The following EBI3 variants were observed in gnomAD, a reference collection of about 807,000 sequenced individuals.
EBI3 encodes Epstein-Barr virus induced 3, also known as interleukin-27 subunit beta.
In EBI3, 19 loss-of-function variants were observed where a neutral mutation model predicts 21.3. That is an observed-to-expected ratio of 0.89 (90% CI 0.62 to 1.31). EBI3 has a LOEUF of 1.31. Among genes scored for constraint, EBI3 ranks in the 50% most tolerant of loss-of-function variants. The pLI, the probability that EBI3 is intolerant of heterozygous loss-of-function variation, is 0.00. For missense variants in EBI3, 331 were observed against 314.0 expected (o/e 1.05, Z -0.41); for synonymous variants, 154 against 131.2 (o/e 1.17, Z -1.19).
At chr19:4,230,875 T>G (rs2144674164) in intron 1 of EBI3, among the ~76,000 whole-genome samples, 1 of 151,904 alleles carries the variant, frequency 6.6e-6, no homozygotes, top group South Asian at 2.1e-4. Context: ...AGACTCCCTC[T>G]TTAAAAAAAA....
intron 1 of EBI3, among the ~76,000 whole-genome samples, chr19:4,230,380 T>C (rs1253653780): frequency 1.3e-5 from 2 of 151,142 alleles, no homozygotes; most frequent in Non-Finnish European, 2.9e-5. Context: ...CTGGGCAACA[T>C]AGTGAAACCG....
chr19:4,236,935 G>C lies in EBI3; in HGVS notation c.538-1G>C. 4 of 1,499,992 alleles carry C rather than the reference G, an allele frequency of 2.7e-6. No homozygotes were observed. Among genetic ancestry groups the C allele is most frequent in the Non-Finnish European group, 3.6e-6 (4 of 1,120,146 alleles). The allele number at this position is 1,499,992 out of a possible 1,614,324, so 92.9% of individuals were successfully genotyped here. On this transcript the variant is annotated splice_acceptor_variant, in intron 4 of 4. Coordinates refer to ENST00000221847, the MANE Select transcript of EBI3 (RefSeq NM_005755.3). LOFTEE classifies it high-confidence loss of function. ...TGACCTGACGCTCTCTCTTCTCTCA[G>C]GTGGGGCCCATTGAAGCCACGTCCT...
chr19:4,229,797 G>C (rs1306498251), intron 1 of EBI3, among the ~76,000 whole-genome samples, 180 bp downstream of exon 1: 2 of 152,222 alleles, frequency 1.3e-5, no homozygotes, highest in Non-Finnish European at 2.9e-5. Context: ...GCCACATTGG[G>C]GGTGGAAGGA....
intron 3 of EBI3, 66 bp from the exon 4 acceptor site, chr19:4,234,601 G>T (rs1399337436): frequency 6.4e-7 from 1 of 1,559,172 alleles, no homozygotes. Flanking sequence ...TTGGTTGAAT[G>T]AATGAGTGAA....
chr19:4,233,378 C>T (rs1970809382), intron 3 of EBI3, 71 bp downstream of exon 3: 1 of 1,486,078 alleles, frequency 6.7e-7, no homozygotes, highest in Non-Finnish European at 9.0e-7. Flanking sequence ...CCCCACCTCC[C>T]ACCTGTCCTC....
intron 1 of EBI3, among the ~76,000 whole-genome samples, chr19:4,230,877 TA>T (rs987969036): frequency 7.9e-4 from 113 of 143,340 alleles, no homozygotes; most frequent in East Asian, 4.2e-3. Context: ...ACTCCCTCTT[TA>T]AAAAAAAAAA....
chr19:4,234,746 GTCCTGGCCCT>G lies in EBI3; in HGVS notation c.463_472del (p.Trp155GlnfsTer6). ...TACAGGTGCAGTGGGAGCCTCCCGG[GTCCTGGCCCT>G]TCCCAGAGATCTTCTCACTGAAGTA... On this transcript the variant is annotated frameshift_variant, in exon 4 of 5. Coordinates refer to ENST00000221847, the MANE Select transcript of EBI3 (RefSeq NM_005755.3). LOFTEE classifies it high-confidence loss of function. The G allele has an allele frequency of 4.3e-6, 7 of 1,614,118 alleles. No individual in the cohort carries two copies. The highest frequency in any genetic ancestry group is 5.9e-6 in the Non-Finnish European group (7 of 1,180,022).
chr19:4,237,255 T>A lies in EBI3; in HGVS notation c.*167T>A. On this transcript the variant is annotated 3_prime_UTR_variant, in exon 5 of 5. Coordinates refer to ENST00000221847, the MANE Select transcript of EBI3 (RefSeq NM_005755.3). ...GATGACCGACTTTTCCCTTTGAGCC[T>A]CAGTTTCTCTAGCTGAGAAATGGAG... 1 of 724,520 alleles carries A rather than the reference T, an allele frequency of 1.4e-6. No individual in the cohort carries two copies. The highest frequency in any genetic ancestry group is 2.0e-6 in the Non-Finnish European group (1 of 490,722). 44.9% of individuals were successfully genotyped at this position (724,520 alleles called of 1,614,324 possible).
intron 3 of EBI3, 106 bp downstream of exon 3, chr19:4,233,413 CT>C: frequency 7.5e-7 from 1 of 1,329,316 alleles, no homozygotes; most frequent in Non-Finnish European, 1.0e-6. Context: ...CACCTTCACA[CT>C]TAAGCAAAAA....
rs1325566455 is a variant in EBI3, at chr19:4,231,033, G to A, written c.68-158G>A. 2.0e-5 allele frequency among the ~76,000 whole-genome samples: 3 copies of A among 152,176 alleles called. No homozygotes were observed. In the East Asian group the frequency reaches 5.8e-4, roughly 29 times the overall value. ...ATTGCAGTGGGGATAAAAGATGACAGATGACTTTTGTCCATGTACCTATTT... is the reference window on the plus strand; with the variant it reads ...ATTGCAGTGGGGATAAAAGATGACAAATGACTTTTGTCCATGTACCTATTT... On this transcript the variant is annotated intron_variant, in intron 1 of 4. Transcript: ENST00000221847.
intron 3 of EBI3, 73 bp from the exon 4 acceptor site, chr19:4,234,594 G>T: frequency 6.4e-7 from 1 of 1,553,156 alleles, no homozygotes; most frequent in Non-Finnish European, 8.7e-7. Flanking sequence ...TAATATGTTG[G>T]TTGAATGAAT....
chr19:4,236,919 GCT>G lies in EBI3; in HGVS notation c.538-10_538-9del, dbSNP rs1229307823. 3.4e-6 allele frequency: 5 copies of G among 1,483,616 alleles called. No homozygotes were observed. Among genetic ancestry groups the G allele is most frequent in the South Asian group, 1.4e-5 (1 of 73,036 alleles). The allele number at this position is 1,483,616 out of a possible 1,614,324, so 91.9% of individuals were successfully genotyped here. ...CATCTTCTGGTTCTAGTGACCTGAC[GCT>G]CTCTCTTCTCTCAGGTGGGGCCCAT... On this transcript the variant is annotated splice_polypyrimidine_tract_variant and intron_variant, in intron 4 of 4. Transcript: ENST00000221847.
Position 4,231,236 on chromosome 19 carries a change from C to T in EBI3, c.113C>T (p.Ser38Phe). The change falls in exon 2 of 5, where the codon TCT becomes TTT. Residue 38 changes from serine to phenylalanine, a missense_variant. Physicochemically the swap from Ser to Phe is radical, Grantham distance 155. Coordinates refer to ENST00000221847, the MANE Select transcript of EBI3 (RefSeq NM_005755.3). ...CTGCCCCGGGTGCAATGCCGAGCCTCTCGGTACCCGATCGCCGTGGATTGC... is the reference window on the plus strand; with the variant it reads ...CTGCCCCGGGTGCAATGCCGAGCCTTTCGGTACCCGATCGCCGTGGATTGC... ...LTLPRVQCRASRYPIAVDCSW... is the reference protein window; with the variant it reads ...LTLPRVQCRAFRYPIAVDCSW... 6.2e-7 allele frequency: 1 copy of T among 1,612,454 alleles called. No individual in the cohort carries two copies. The highest frequency in any genetic ancestry group is 8.5e-7 in the Non-Finnish European group (1 of 1,179,540).
intron 4 of EBI3, among the ~76,000 whole-genome samples, chr19:4,235,123 A>T (rs968079037): frequency 1.3e-5 from 2 of 152,070 alleles, no homozygotes; most frequent in African/African-American, 4.8e-5. Flanking sequence ...GGTTCAAGCG[A>T]TGCTCCTGCC....
At chr19:4,231,396 C>G in intron 2 of EBI3, 73 bp downstream of exon 2, 1 of 1,478,780 alleles carries the variant, frequency 6.8e-7, no homozygotes. Flanking sequence ...CCCTGAGAGC[C>G]CTGGGGTCAG....
At chr19:4,235,367 T>TG (rs2144677829) in intron 4 of EBI3, among the ~76,000 whole-genome samples, 1 of 140,644 alleles carries the variant, frequency 7.1e-6, no homozygotes, top group African/African-American at 3.2e-5. Flanking sequence ...TCACCCAGGC[T>TG]GGAGTGCAGT....
intron 4 of EBI3, among the ~76,000 whole-genome samples, chr19:4,236,367 C>T (rs1029245644): frequency 6.6e-6 from 1 of 150,846 alleles, no homozygotes; most frequent in Non-Finnish European, 1.5e-5. Context: ...AACAAACAAA[C>T]AAAAATTAGC....
intron 3 of EBI3, 70 bp from the exon 4 acceptor site, chr19:4,234,596 TG>T: frequency 6.4e-7 from 1 of 1,554,258 alleles, no homozygotes; most frequent in Admixed American, 1.9e-5. Context: ...ATATGTTGGT[TG>T]AATGAATGAG....
rs776668675 is a variant in EBI3, at chr19:4,231,239, G to A, written c.116G>A (p.Arg39Gln). 1.6e-5 allele frequency: 25 copies of A among 1,612,138 alleles called. No homozygotes were observed. Among genetic ancestry groups the A allele is most frequent in the African/African-American group, 9.4e-5 (7 of 74,742 alleles). ...CCCCGGGTGCAATGCCGAGCCTCTC[G>A]GTACCCGATCGCCGTGGATTGCTCC... Reference protein sequence around the residue: ...TLPRVQCRASRYPIAVDCSWT... With the variant: ...TLPRVQCRASQYPIAVDCSWT... Residue 39 changes from arginine (R) to glutamine (Q), a missense_variant, in exon 2 of 5, where the codon CGG becomes CAG. Transcript: ENST00000221847.
Sources: allele counts gnomAD v4.1 joint callset (sites outside exome capture counted in the v4.1 genomes callset), GRCh38; gene constraint gnomAD v4.1.1; transcripts MANE v1.5; gene names NCBI Gene and HGNC (gene_info 2026-07-23, HGNC 2026-07-21).